CNTNAP2: variants seen among roughly 807,000 people sequenced by gnomAD.
The protein encoded by CNTNAP2 is contactin associated protein 2.
A neutral mutation model predicts 155.2 loss-of-function variants in CNTNAP2; 98 were observed. The ratio of observed to expected loss-of-function variants is 0.63; its 90% CI spans 0.54 to 0.75. The LOEUF (loss-of-function observed/expected upper bound fraction) is 0.75. Ranked by LOEUF, CNTNAP2 falls within the 30% of genes least tolerant of loss-of-function variation. The pLI is 0.00. For missense variants in CNTNAP2, 1,727 were observed against 1,688.1 expected (o/e 1.02, Z -0.40); for synonymous variants, 651 against 631.2 (o/e 1.03, Z -0.47).
chr7:147,228,898 C>T (rs952679613), intron 8 of CNTNAP2, among the ~76,000 whole-genome samples: 1 of 151,772 alleles, frequency 6.6e-6, no homozygotes, highest in African/African-American at 2.4e-5. Flanking sequence ...TGAGTGAAAA[C>T]ATGCAGTGTT....
chr7:146,705,529 T>G (rs1800948077), intron 1 of CNTNAP2, among the ~76,000 whole-genome samples: 1 of 152,082 alleles, frequency 6.6e-6, no homozygotes, highest in South Asian at 2.1e-4. Context: ...ATCTTCTTGG[T>G]ACAACGTATT....
At chr7:148,405,358 A>G (rs1016935038) in intron 22 of CNTNAP2, among the ~76,000 whole-genome samples, 66 of 148,998 alleles carry the variant, frequency 4.4e-4, no homozygotes, top group South Asian at 8.5e-4. Flanking sequence ...TCCTTCCACT[A>G]TCTCCGTATG....
rs183533546 is a variant in CNTNAP2 at position 147,814,030 on chromosome 7, C to T, written c.2099-89535C>T. Among the ~76,000 whole-genome samples the T allele has an allele frequency of 9.2e-5, 14 of 152,114 alleles. No individual in the cohort carries two copies. In the East Asian group the frequency reaches 2.1e-3, roughly 23 times the overall value. On this transcript the variant is annotated intron_variant, in intron 13 of 23. Transcript: ENST00000361727. ...CTGTTCGGCACTTTTTAAATGTTCT[C>T]GGTAAGATAATTTTTATTTCTGATT... is the stretch of plus-strand genomic sequence containing the variant.
In CNTNAP2 at chr7:146,875,727, A is replaced by G. The variant is rs540494397; in HGVS notation, c.402+35823A>G. ...TGGTGGCCTAAAACCCAGGTCCTTT[A>G]TGACCTAATTCTAGCTTTATAAAAA... On this transcript the variant is annotated intron_variant, in intron 3 of 23. Transcript: ENST00000361727. Among the ~76,000 whole-genome samples the G allele has an allele frequency of 5.3e-4, 81 of 151,882 alleles. 2 individuals carry two copies. Among genetic ancestry groups the G allele is most frequent in the African/African-American group, 3.6e-4 (15 of 41,426 alleles).
At chr7:148,117,989 T>C (rs554673019) in intron 15 of CNTNAP2, 129 bp from the exon 16 acceptor site, 2 of 1,068,044 alleles carry the variant, frequency 1.9e-6, no homozygotes, top group African/African-American at 3.1e-5. Context: ...TCCAATGTTG[T>C]TCAACAGAAT....
chr7:147,019,543 G>A (rs1233778293), intron 3 of CNTNAP2, among the ~76,000 whole-genome samples: 1 of 152,088 alleles, frequency 6.6e-6, no homozygotes, highest in East Asian at 1.9e-4. Context: ...GTTTGGTGTT[G>A]TGGGTAGAGC....
intron 14 of CNTNAP2, among the ~76,000 whole-genome samples, chr7:147,904,596 C>T (rs983362133): frequency 6.6e-6 from 1 of 152,118 alleles, no homozygotes; most frequent in African/African-American, 2.4e-5. Flanking sequence ...TTCAGTTCAC[C>T]TATGTAGTAT....
chr7:146,381,081 A>T (rs1584898245), intron 1 of CNTNAP2, among the ~76,000 whole-genome samples: 1 of 151,882 alleles, frequency 6.6e-6, no homozygotes, highest in East Asian at 1.9e-4. Context: ...TACAGGCGTG[A>T]GCCACCGCGC....
chr7:146,991,913 C>T (rs1048391036), intron 3 of CNTNAP2, among the ~76,000 whole-genome samples: 2 of 152,126 alleles, frequency 1.3e-5, no homozygotes, highest in African/African-American at 4.8e-5. Context: ...GAAATTACTG[C>T]TTTATCATAA....
chr7:146,444,155 C>T (rs919086939), intron 1 of CNTNAP2, among the ~76,000 whole-genome samples: 1 of 152,028 alleles, frequency 6.6e-6, no homozygotes, highest in Non-Finnish European at 1.5e-5. Context: ...GTCTCAGCCT[C>T]CTGGAACTAC....
At chr7:147,176,351 C>A (rs1053662054) in intron 8 of CNTNAP2, among the ~76,000 whole-genome samples, 1 of 152,082 alleles carries the variant, frequency 6.6e-6, no homozygotes, top group Non-Finnish European at 1.5e-5. Context: ...AAACAGTTTC[C>A]CTCTTATTCT....
intron 1 of CNTNAP2, among the ~76,000 whole-genome samples, chr7:146,682,309 G>A (rs939459929): frequency 6.6e-6 from 1 of 152,110 alleles, no homozygotes; most frequent in East Asian, 1.9e-4. Context: ...TAAGCCTAGT[G>A]TGAGAACATA....
At chr7:146,875,881 AACACACACACACACATACACACACGC>A (rs1420228059) in intron 3 of CNTNAP2, among the ~76,000 whole-genome samples, 1 of 139,088 alleles carries the variant, frequency 7.2e-6, no homozygotes, top group Non-Finnish European at 1.5e-5. Context: ...CCTTATCTTA[AACACACACACACACATACACACACGC>A]ACACACACAC....
chr7:147,496,781 C>T (rs1056451176), intron 11 of CNTNAP2: 56 of 146,210 alleles, frequency 3.8e-4, no homozygotes, highest in African/African-American at 2.8e-4. Flanking sequence ...TATTGGTTCC[C>T]GTATTTTTTA....
At chr7:146,692,765 A>C (rs1449820462) in intron 1 of CNTNAP2, among the ~76,000 whole-genome samples, 1 of 152,120 alleles carries the variant, frequency 6.6e-6, no homozygotes, top group Non-Finnish European at 1.5e-5. Flanking sequence ...AGAAGCTTGA[A>C]ACCACCTAAC....
rs546394174 is a variant in CNTNAP2 at position 146,967,418 on chromosome 7, A to G, written c.403-76489A>G. On this transcript the variant is annotated intron_variant, in intron 3 of 23. Coordinates refer to ENST00000361727, the MANE Select transcript of CNTNAP2 (RefSeq NM_014141.6). ...CTTGGGCAGTACGGCCATTTTCACG[A>G]TATTGATTCTTCCTACCCATGAGCA... Among the ~76,000 whole-genome samples, 6 of 152,228 alleles carry G rather than the reference A, an allele frequency of 3.9e-5. No homozygotes were observed. In the South Asian group the frequency reaches 1.2e-3, roughly 32 times the overall value.
chr7:147,048,981 A>G (rs1031771453), intron 4 of CNTNAP2, among the ~76,000 whole-genome samples: 1 of 152,194 alleles, frequency 6.6e-6, no homozygotes, highest in Admixed American at 6.5e-5. Context: ...TTGTGTTACT[A>G]TAACAGAATA....
At chr7:147,205,469 TG>T (rs901864788) in intron 8 of CNTNAP2, among the ~76,000 whole-genome samples, 3 of 152,164 alleles carry the variant, frequency 2.0e-5, no homozygotes, top group Non-Finnish European at 4.4e-5. Context: ...TTTAACAATT[TG>T]ATTCTTTCAA....
intron 17 of CNTNAP2, among the ~76,000 whole-genome samples, chr7:148,159,063 G>A (rs1805462039): frequency 6.6e-6 from 1 of 152,152 alleles, no homozygotes; most frequent in Non-Finnish European, 1.5e-5. Flanking sequence ...CAGATAAACA[G>A]GGTCGTTTCC....
Sources: allele counts gnomAD v4.1 joint callset (sites outside exome capture counted in the v4.1 genomes callset), GRCh38; gene constraint gnomAD v4.1.1; transcripts MANE v1.5; gene names NCBI Gene and HGNC (gene_info 2026-07-23, HGNC 2026-07-21).